UTRN: variants seen among roughly 807,000 people sequenced by gnomAD.
UTRN encodes utrophin, also known as dystrophin-related protein 1.
A neutral mutation model predicts 463.9 loss-of-function variants in UTRN; 283 were observed. The ratio of observed to expected loss-of-function variants is 0.61; its 90% confidence interval spans 0.55 to 0.67. The LOEUF (loss-of-function observed/expected upper bound fraction) is 0.67, where lower values mean the gene tolerates loss of function less well. Ranked by LOEUF, UTRN falls within the 30% of genes least tolerant of loss-of-function variation. UTRN has a pLI of 0.00. For missense variants in UTRN, 3,922 were observed against 4,084.3 expected, an observed-to-expected ratio of 0.96 and a Z score of 1.08; for synonymous variants, 1,442 against 1,431.5, an observed-to-expected ratio of 1.01 and a Z score of -0.17.
rs771983092 is a variant in UTRN at position 144,487,559 on chromosome 6, T to C, written c.3834T>C (p.Ser1278=). 2.1e-5 allele frequency: 34 copies of C among 1,600,754 alleles called. No homozygotes were observed. The highest frequency in any genetic ancestry group is 2.9e-5 in the Non-Finnish European group (34 of 1,172,252). ...AVNEALESLE[S]VLRHPADNRT... is the part of the protein sequence containing the mutation. ...CATCTCCATTCCAGTCTCTGGAATC[T>C]GTTCTGCGCCACCCGGCAGATAATC... is the stretch of plus-strand genomic sequence containing the variant. The change falls in exon 29 of 75, where the codon TCT becomes TCC. Residue 1278 remains serine, a synonymous_variant. Transcript: ENST00000367545.
intron 2 of UTRN, among the ~76,000 whole-genome samples, chr6:144,390,741 C>T (rs144210418): frequency 1.3e-5 from 2 of 152,306 alleles, no homozygotes; most frequent in African/African-American, 4.8e-5. Context: ...TCAAATCTTT[C>T]CGTGATCCCC....
intron 51 of UTRN, chr6:144,659,971 A>G: frequency 3.4e-6 from 1 of 294,548 alleles, no homozygotes; most frequent in South Asian, 3.3e-5. Flanking sequence ...CACAGCTACC[A>G]GGAAATACAG....
intron 51 of UTRN, among the ~76,000 whole-genome samples, chr6:144,628,120 T>A (rs779118270): frequency 6.6e-6 from 1 of 152,174 alleles, no homozygotes; most frequent in Non-Finnish European, 1.5e-5. Context: ...TTTTTAAGGC[T>A]AATTATTATG....
At chr6:144,715,092 G>A (rs1415541723) in intron 53 of UTRN, among the ~76,000 whole-genome samples, 8 of 152,006 alleles carry the variant, frequency 5.3e-5, no homozygotes, top group South Asian at 2.1e-4. Context: ...AGATATATCC[G>A]TTTACATGTC....
chr6:144,788,992 T>C (rs1193851017), intron 61 of UTRN, among the ~76,000 whole-genome samples: 1 of 152,264 alleles, frequency 6.6e-6, no homozygotes, highest in Non-Finnish European at 1.5e-5. Flanking sequence ...CTTCTAGCCT[T>C]GGCCAAACAC....
intron 30 of UTRN, 27 bp from the exon 31 acceptor site, chr6:144,490,044 C>T (rs1792904745): frequency 2.5e-6 from 4 of 1,598,188 alleles, no homozygotes; most frequent in South Asian, 1.1e-5. Context: ...AAAAGGACAT[C>T]CTCTCCCCTT....
At chr6:144,844,164 T>A (rs1781824957) in intron 73 of UTRN, among the ~76,000 whole-genome samples, 1 of 152,240 alleles carries the variant, frequency 6.6e-6, no homozygotes, top group Admixed American at 6.5e-5. Flanking sequence ...AATTGATACA[T>A]ATTTTCATAT....
intron 66 of UTRN, among the ~76,000 whole-genome samples, chr6:144,824,572 T>TTATATATATATATA (rs71028314): frequency 2.6e-5 from 1 of 37,918 alleles, no homozygotes; most frequent in Non-Finnish European, 4.8e-5. Flanking sequence ...AGCATTTTAT[T>TTATATATATATATA]TATATATATA....
intron 29 of UTRN, 85 bp from the exon 30 acceptor site, chr6:144,488,588 G>A: frequency 7.5e-7 from 1 of 1,337,026 alleles, no homozygotes; most frequent in Non-Finnish European, 1.0e-6. Context: ...AGCTTTTATG[G>A]TCTTTTCTTA....
intron 3 of UTRN, 35 bp from the exon 4 acceptor site, chr6:144,421,843 A>G (rs751344089): frequency 1.3e-6 from 2 of 1,568,042 alleles, no homozygotes; most frequent in South Asian, 1.2e-5. Flanking sequence ...TGCTGTTGGC[A>G]TACCCCATAT....
At chr6:144,560,191 G>A (rs1214959093) in intron 50 of UTRN, among the ~76,000 whole-genome samples, 1 of 152,144 alleles carries the variant, frequency 6.6e-6, no homozygotes, top group African/African-American at 2.4e-5. Context: ...AGACTACACA[G>A]CTTATAATGG....
intron 43 of UTRN, among the ~76,000 whole-genome samples, chr6:144,534,413 A>G (rs188397857): frequency 2.6e-5 from 4 of 152,196 alleles, no homozygotes; most frequent in African/African-American, 9.6e-5. Context: ...TCTCAATATT[A>G]TGCTGTACGA....
At chr6:144,795,534 G>A (rs1046031177) in intron 63 of UTRN, among the ~76,000 whole-genome samples, 1 of 151,998 alleles carries the variant, frequency 6.6e-6, no homozygotes. Context: ...CCAGCATCTG[G>A]TGTTTCCTGA....
intron 51 of UTRN, among the ~76,000 whole-genome samples, chr6:144,612,766 T>C (rs1805660884): frequency 6.6e-6 from 1 of 152,062 alleles, no homozygotes; most frequent in Admixed American, 6.6e-5. Flanking sequence ...GAATGTAAAT[T>C]AGTATAGCCA....
intron 2 of UTRN, among the ~76,000 whole-genome samples, chr6:144,341,462 T>C (rs1052363535): frequency 1.3e-5 from 2 of 152,146 alleles, no homozygotes; most frequent in African/African-American, 4.8e-5. Flanking sequence ...AAAAAAGATC[T>C]CTTTGATGTT....
chr6:144,389,667 C>T (rs112105534), intron 2 of UTRN, among the ~76,000 whole-genome samples: 3,011 of 151,936 alleles, frequency 0.02, 102 homozygotes, highest in Admixed American at 0.089. Context: ...GGCATGATCT[C>T]GGCTCACTGC....
intron 53 of UTRN, among the ~76,000 whole-genome samples, chr6:144,717,842 G>A (rs1350464067): frequency 2.0e-5 from 3 of 151,554 alleles, no homozygotes; most frequent in Non-Finnish European, 4.4e-5. Context: ...TCACCATGTT[G>A]ATCAGGCTGG....
chr6:144,596,957 G>C (rs1390429749), intron 51 of UTRN, among the ~76,000 whole-genome samples: 1 of 152,126 alleles, frequency 6.6e-6, no homozygotes, highest in Non-Finnish European at 1.5e-5. Context: ...AAAGTGCCTT[G>C]GCTAGGCACA....
At chr6:144,494,924 G>T (rs1456682342) in intron 33 of UTRN, among the ~76,000 whole-genome samples, 1 of 152,092 alleles carries the variant, frequency 6.6e-6, no homozygotes, top group African/African-American at 2.4e-5. Flanking sequence ...ACAGAGTGTG[G>T]ATTGGTGCAC....
Sources: gnomAD v4.1 joint callset for allele counts (sites outside exome capture counted in the v4.1 genomes callset) on GRCh38, gnomAD v4.1.1 for gene constraint, MANE v1.5 for transcripts, NCBI Gene and HGNC (gene_info 2026-07-23, HGNC 2026-07-21) for gene names.